NUDT16L1: variants seen among roughly 807,000 people sequenced by gnomAD.
The protein encoded by NUDT16L1 is tudor-interacting repair regulator protein.
NUDT16L1 carries 19 observed loss-of-function variants against 17.3 expected under a neutral mutation model. The ratio of observed to expected loss-of-function variants is 1.10; its 90% CI spans 0.77 to 1.61. The LOEUF is 1.61. Ranked by LOEUF, NUDT16L1 falls within the 40% of genes most tolerant of loss-of-function variation. The pLI, the probability that NUDT16L1 is intolerant of heterozygous loss-of-function variation, is 0.00. For missense variants in NUDT16L1, 341 were observed against 292.0 expected, an observed-to-expected ratio of 1.17 and a Z score of -1.22; for synonymous variants, 255 against 138.6, an observed-to-expected ratio of 1.84 and a Z score of -5.90.
exon 3 of NUDT16L1, chr16:4,695,536 T>C: frequency 2.1e-6 from 1 of 471,960 alleles, no homozygotes; most frequent in Non-Finnish European, 3.7e-6. Flanking sequence ...CTGGGACCAC[T>C]CAGAAGATGG....
chr16:4,694,431 G>A, intron 2 of NUDT16L1, 193 bp downstream of exon 2: 2 of 1,143,042 alleles, frequency 1.7e-6, no homozygotes, highest in Non-Finnish European at 2.5e-6. Flanking sequence ...GTGGGGGCCG[G>A]CGCTGGGGCT....
chr16:4,694,088 C>T, exon 2 of NUDT16L1: 3 of 1,591,204 alleles, frequency 1.9e-6, no homozygotes, highest in East Asian at 2.3e-5. Flanking sequence ...GCCTGGGCTG[C>T]CTGCGCCTCA....
At position 4,694,509 on chromosome 16, in the gene NUDT16L1, T is replaced by C. The variant is rs545422274; in HGVS notation, c.414+271T>C. 9.3e-5 allele frequency: 138 copies of C among 1,481,338 alleles called. No individual in the cohort carries two copies. In the South Asian group the frequency reaches 1.5e-3, roughly 16 times the overall value. The allele number at this position is 1,481,338 out of a possible 1,614,324, so 91.8% of individuals were successfully genotyped here. On this transcript the variant is annotated intron_variant, in intron 2 of 2. Coordinates refer to ENST00000304301, the Ensembl canonical transcript of NUDT16L1. ...CAATCCTGGGAGTGGGGGAGTGGGA[T>C]CGGTGGGGAGGAAGGGATGGGGGAG... is the stretch of plus-strand genomic sequence containing the variant.
chr16:4,693,756 G>A (rs756404659), exon 1 of NUDT16L1: 7 of 1,556,618 alleles, frequency 4.5e-6, no homozygotes, highest in African/African-American at 2.8e-5. Flanking sequence ...CGGAGCTGAA[G>A]CAGATCAGCC....
chr16:4,693,654 T>G (rs1474728781), upstream of NUDT16L1: 5 of 1,331,408 alleles, frequency 3.8e-6, no homozygotes, highest in Non-Finnish European at 4.8e-6. Flanking sequence ...CGCCCGCGGA[T>G]TGGCGAGGCA....
chr16:4,694,283 T>C, intron 2 of NUDT16L1, 45 bp downstream of exon 2: 1 of 1,474,870 alleles, frequency 6.8e-7, no homozygotes, highest in Non-Finnish European at 8.9e-7. Flanking sequence ...GGGGTTTGGC[T>C]CTGGCCCCGT....
Position 4,694,732 on chromosome 16 carries a change from AG to A in NUDT16L1, c.415-218del, listed in dbSNP as rs578171093. 2.7e-3 allele frequency: 2,414 copies of A among 910,598 alleles called. 25 individuals carry two copies. In the African/African-American group the frequency reaches 0.057, roughly 22 times the overall value. The allele number at this position is 910,598 out of a possible 1,614,324, so 56.4% of individuals were successfully genotyped here. ...CCCGGGGTGGGGTGGCCTGGGTACG[AG>A]GGGGGGGAGTGCATGGGGTCAGCCT... On this transcript the variant is annotated intron_variant, in intron 2 of 2. Transcript: ENST00000304301.
exon 3 of NUDT16L1, chr16:4,695,069 G>C (rs2079513192): frequency 6.2e-7 from 1 of 1,613,418 alleles, no homozygotes. Context: ...GCTCCTCTTT[G>C]CCCTCAAGGT....
At position 4,693,887 on chromosome 16, in the gene NUDT16L1, C is replaced by CGGGCGAGGGCGA; in HGVS notation, c.153+19_153+20insAGGGCGAGGGCG. ...ATGCGCTTCTCGGTGCTGGTGAGGA[C>CGGGCGAGGGCGA]GGGCGAGGGCGCGGGCGAGGGTGCC... On this transcript the variant is annotated intron_variant, in intron 1 of 2. Transcript: ENST00000304301. 2 of 1,501,162 alleles carry CGGGCGAGGGCGA rather than the reference C, an allele frequency of 1.3e-6. No homozygotes were observed. Among genetic ancestry groups the CGGGCGAGGGCGA allele is most frequent in the Non-Finnish European group, 1.8e-6 (2 of 1,134,442 alleles). 93.0% of individuals were successfully genotyped at this position (1,501,162 alleles called of 1,614,324 possible).
At chr16:4,694,862 T>C in intron 2 of NUDT16L1, 96 bp from the exon 3 acceptor site, 1 of 1,486,494 alleles carries the variant, frequency 6.7e-7, no homozygotes, top group Non-Finnish European at 8.9e-7. Context: ...CAAAGCTGGC[T>C]GCTCATACCC....
At position 4,693,971 on chromosome 16, in the gene NUDT16L1, C is replaced by T. The variant is rs1352760596; in HGVS notation, c.154-7C>T. On this transcript the variant is annotated splice_polypyrimidine_tract_variant and splice_region_variant and intron_variant, in intron 1 of 2. Transcript: ENST00000304301. ...ACCCCGCGGCTGTGACCCGCGCTCC[C>T]TTGCAGATGCAGATGCGTTTCGACG... 1 of 1,564,394 alleles carries T rather than the reference C, an allele frequency of 6.4e-7. No individual in the cohort carries two copies. Among genetic ancestry groups the T allele is most frequent in the Admixed American group, 1.8e-5 (1 of 54,106 alleles).
chr16:4,694,692 G>A lies in NUDT16L1; in HGVS notation c.415-266G>A, dbSNP rs1015223792. 3.5e-6 allele frequency: 5 copies of A among 1,420,010 alleles called. No individual in the cohort carries two copies. The Admixed American group carries it at 1.5e-4, about 42-fold the overall frequency. The allele number at this position is 1,420,010 out of a possible 1,614,324, so 88.0% of individuals were successfully genotyped here. On this transcript the variant is annotated intron_variant, in intron 2 of 2. Transcript: ENST00000304301. ...AGGCTTCGTTGGGTGGACGGGGGGA[G>A]CATGGGGTGCGGACCCCGGGGTGGG... is the stretch of plus-strand genomic sequence containing the variant.
chr16:4,695,212 G>T, exon 3 of NUDT16L1: 3 of 1,598,832 alleles, frequency 1.9e-6, no homozygotes. Context: ...CCTCCCCTGG[G>T]CCGGAAGACT....
At chr16:4,694,290 C>T in intron 2 of NUDT16L1, 52 bp downstream of exon 2, 2 of 1,477,120 alleles carry the variant, frequency 1.4e-6, no homozygotes, top group Non-Finnish European at 1.8e-6. Flanking sequence ...GGCTCTGGCC[C>T]CGTGGAAGGC....
At chr16:4,694,196 C>T (rs756151473) in exon 2 of NUDT16L1, 23 of 1,562,446 alleles carry the variant, frequency 1.5e-5, no homozygotes, top group South Asian at 4.6e-5. Flanking sequence ...AGCTGCACGC[C>T]GTGGAGATCA....
rs2079524991 is a variant in NUDT16L1 at position 4,695,627 on chromosome 16, C to G, written c.*448C>G. 3 of 416,572 alleles carry G rather than the reference C, an allele frequency of 7.2e-6. No individual in the cohort carries two copies. In the East Asian group the frequency reaches 1.0e-4, roughly 14 times the overall value. The allele number at this position is 416,572 out of a possible 1,614,324, so 25.8% of individuals were successfully genotyped here. On this transcript the variant is annotated 3_prime_UTR_variant, in exon 3 of 3. Coordinates refer to ENST00000304301, the Ensembl canonical transcript of NUDT16L1. ...AGCCAGTTCAGGGCCTGGGGGAGAG[C>G]CAGCTTGGGGTAGGAAGTTAATAAT...
exon 1 of NUDT16L1, chr16:4,693,834 C>A: frequency 6.4e-7 from 1 of 1,564,690 alleles, no homozygotes; most frequent in Non-Finnish European, 8.6e-7. Context: ...ACGCCGCCAA[C>A]CCTGGGCAGC....
At chr16:4,693,788 G>A in exon 1 of NUDT16L1, 1 of 1,571,192 alleles carries the variant, frequency 6.4e-7, no homozygotes. Flanking sequence ...ATGCGCCTAG[G>A]GCCGGGCTGG....
Position 4,694,112 on chromosome 16 carries a change from C to T in NUDT16L1, c.288C>T (p.Tyr96=), listed in dbSNP as rs534519989. 13 of 1,590,700 alleles carry T rather than the reference C, an allele frequency of 8.2e-6. No homozygotes were observed. In the East Asian group the frequency reaches 9.1e-5, roughly 11 times the overall value. The change falls in exon 2 of 3, where the codon TAC becomes TAT. Residue 96 remains tyrosine (Y), a synonymous_variant. Coordinates refer to ENST00000304301, the Ensembl canonical transcript of NUDT16L1. ...GCCTGCGCCTCACCGAGGCCGACTA[C>T]CTGAGCTCGCACCTGACCGAGGGCC...
Sources: gnomAD v4.1 joint callset for allele counts on GRCh38, gnomAD v4.1.1 for gene constraint, MANE v1.5 for transcripts, NCBI Gene and HGNC (gene_info 2026-07-23, HGNC 2026-07-21) for gene names.